The following LPAR3 variants were observed in gnomAD, a reference collection of about 807,000 sequenced individuals.
LPAR3 encodes LPA receptor 3.
In LPAR3, 7 loss-of-function variants were observed where a neutral mutation model predicts 17.8. The observed-to-expected ratio is 0.39, with a 90% confidence interval of 0.22 to 0.74. LPAR3 has a LOEUF of 0.74. Among genes scored for constraint, LPAR3 ranks in the 30% least tolerant of loss-of-function variants. LPAR3 has a pLI of 0.40. For synonymous variants in LPAR3, 179 were observed against 179.9 expected (o/e 0.99, Z 0.04); for missense variants, 391 against 453.4 (o/e 0.86, Z 1.25).
At chr1:84,880,202 T>A (rs1347616454) in intron 1 of LPAR3, among the ~76,000 whole-genome samples, 1 of 152,198 alleles carries the variant, frequency 6.6e-6, no homozygotes, top group Non-Finnish European at 1.5e-5. Context: ...TGGTGGCACA[T>A]GCCTGTAATG....
At chr1:84,817,718 C>G (rs1658967792) in intron 2 of LPAR3, among the ~76,000 whole-genome samples, 1 of 151,522 alleles carries the variant, frequency 6.6e-6, no homozygotes, top group South Asian at 2.1e-4. Flanking sequence ...ACACCACGGC[C>G]AGCCAATCAG....
chr1:84,868,612 T>A (rs1660100150), intron 1 of LPAR3, among the ~76,000 whole-genome samples: 1 of 152,182 alleles, frequency 6.6e-6, no homozygotes, highest in Non-Finnish European at 1.5e-5. Flanking sequence ...TGTTGACACC[T>A]AACCCTAACT....
chr1:84,843,597 A>G (rs1012799445), intron 2 of LPAR3, among the ~76,000 whole-genome samples: 2 of 152,266 alleles, frequency 1.3e-5, no homozygotes, highest in African/African-American at 4.8e-5. Flanking sequence ...GAAACGCCAC[A>G]CCTGCTGGGT....
At chr1:84,858,686 C>A (rs1400841079) in intron 2 of LPAR3, among the ~76,000 whole-genome samples, 1 of 152,120 alleles carries the variant, frequency 6.6e-6, no homozygotes, top group African/African-American at 2.4e-5. Flanking sequence ...CATTGTAGTA[C>A]ATCTCAACAA....
At chr1:84,837,932 C>A (rs1659436107) in intron 2 of LPAR3, among the ~76,000 whole-genome samples, 1 of 152,080 alleles carries the variant, frequency 6.6e-6, no homozygotes, top group Admixed American at 6.5e-5. Flanking sequence ...ATACATAATT[C>A]ATTTCTAGGA....
At chr1:84,841,834 TG>T (rs1321900267) in intron 2 of LPAR3, among the ~76,000 whole-genome samples, 5 of 152,170 alleles carry the variant, frequency 3.3e-5, no homozygotes, top group Non-Finnish European at 7.3e-5. Flanking sequence ...ACCCCAGCTC[TG>T]GCCAGACTTG....
chr1:84,846,196 TAA>T (rs1218729374), intron 2 of LPAR3, among the ~76,000 whole-genome samples: 5 of 152,148 alleles, frequency 3.3e-5, no homozygotes, highest in Admixed American at 3.3e-4. Flanking sequence ...ATTCTCATGT[TAA>T]AAAAAGCCAT....
At chr1:84,819,758 T>C (rs1036662638) in intron 2 of LPAR3, among the ~76,000 whole-genome samples, 14 of 152,200 alleles carry the variant, frequency 9.2e-5, no homozygotes, top group Admixed American at 2.0e-4. Flanking sequence ...AGTCCTCCTC[T>C]GCTGCTCTTT....
At chr1:84,837,143 T>A (rs1472769904) in intron 2 of LPAR3, among the ~76,000 whole-genome samples, 1 of 151,470 alleles carries the variant, frequency 6.6e-6, no homozygotes, top group Non-Finnish European at 1.5e-5. Flanking sequence ...TGCCTTAGCC[T>A]CCTGAGTAGC....
chr1:84,872,260 C>G (rs978097487), intron 1 of LPAR3, among the ~76,000 whole-genome samples: 1 of 152,168 alleles, frequency 6.6e-6, no homozygotes, highest in Non-Finnish European at 1.5e-5. Context: ...AGCATTATTA[C>G]TTTATGCTTC....
chr1:84,844,186 A>C (rs1659556985), intron 2 of LPAR3, among the ~76,000 whole-genome samples: 1 of 152,224 alleles, frequency 6.6e-6, no homozygotes, highest in Admixed American at 6.5e-5. Flanking sequence ...AATGGTGGCC[A>C]AATATCTCAA....
intron 2 of LPAR3, among the ~76,000 whole-genome samples, chr1:84,842,989 G>A (rs1557596385): frequency 6.6e-6 from 1 of 152,212 alleles, no homozygotes; most frequent in Admixed American, 6.5e-5. Context: ...ATTCCGTCAA[G>A]GCAATTTCAA....
intron 2 of LPAR3, among the ~76,000 whole-genome samples, chr1:84,832,175 C>T (rs980864351): frequency 1.3e-5 from 2 of 152,132 alleles, no homozygotes; most frequent in Non-Finnish European, 2.9e-5. Flanking sequence ...CCACCATGAT[C>T]CCCCACGAAA....
chr1:84,845,334 T>G (rs1360320159), intron 2 of LPAR3, among the ~76,000 whole-genome samples: 1 of 152,234 alleles, frequency 6.6e-6, no homozygotes, highest in Non-Finnish European at 1.5e-5. Flanking sequence ...GAGGGATTTG[T>G]GTTACGACTT....
intron 1 of LPAR3, among the ~76,000 whole-genome samples, chr1:84,879,110 G>A (rs1660312158): frequency 6.6e-6 from 1 of 152,118 alleles, no homozygotes; most frequent in East Asian, 1.9e-4. Flanking sequence ...TAAAGAAGCT[G>A]CAGAACCCCA....
intron 1 of LPAR3, among the ~76,000 whole-genome samples, chr1:84,868,895 C>T (rs1445746749): frequency 1.3e-5 from 2 of 152,100 alleles, no homozygotes; most frequent in East Asian, 3.8e-4. Flanking sequence ...CAGGAATAGA[C>T]TAAGACACCA....
intron 2 of LPAR3, among the ~76,000 whole-genome samples, chr1:84,863,453 CTTCTTCTCT>C (rs1443900759): frequency 3.3e-5 from 5 of 152,082 alleles, no homozygotes; most frequent in Admixed American, 2.0e-4. Context: ...CCTCGATTGC[CTTCTTCTCT>C]TTCTTCTAGT....
intron 2 of LPAR3, among the ~76,000 whole-genome samples, chr1:84,839,339 T>C (rs902090840): frequency 6.6e-6 from 1 of 152,240 alleles, no homozygotes; most frequent in Non-Finnish European, 1.5e-5. Flanking sequence ...TGTCTGATTT[T>C]TTATGGTTCC....
At chr1:84,885,464 T>C (rs1660443323) in intron 1 of LPAR3, among the ~76,000 whole-genome samples, 1 of 152,236 alleles carries the variant, frequency 6.6e-6, no homozygotes, top group African/African-American at 2.4e-5. Flanking sequence ...GGAAGGCAAT[T>C]TGGCAATATC....
Sources: allele counts gnomAD v4.1 joint callset (sites outside exome capture counted in the v4.1 genomes callset), GRCh38; gene constraint gnomAD v4.1.1; transcripts MANE v1.5; gene names NCBI Gene and HGNC (gene_info 2026-07-23, HGNC 2026-07-21).